ZFHX3: variants seen among roughly 807,000 people sequenced by gnomAD.
The protein encoded by ZFHX3 is zinc finger homeobox protein 3.
ZFHX3 carries 42 observed loss-of-function variants against 279.1 expected under a neutral mutation model. The observed-to-expected ratio is 0.15, with a 90% CI of 0.12 to 0.19. The LOEUF is 0.19. ZFHX3 is among the 10% of genes least tolerant of loss of function. The pLI is 1.00. For synonymous variants in ZFHX3, 2,293 were observed against 1,957.8 expected (o/e 1.17, Z -4.52); for missense variants, 4,981 against 4,754.0 (o/e 1.05, Z -1.40).
chr16:73,102,475 T>C (rs1377021670), intron 7 of ZFHX3, among the ~76,000 whole-genome samples: 1 of 152,224 alleles, frequency 6.6e-6, no homozygotes, highest in African/African-American at 2.4e-5. Flanking sequence ...TATATGGTGC[T>C]TTGAAAAATA....
rs527804822 is a variant in ZFHX3 at position 73,217,913 on chromosome 16, C to T, written c.-1104+39134G>A. Among the ~76,000 whole-genome samples the T allele has an allele frequency of 2.0e-5, 3 of 152,146 alleles. No homozygotes were observed. In the South Asian group the frequency reaches 6.2e-4, roughly 32 times the overall value. On this transcript the variant is annotated intron_variant, in intron 5 of 17. Coordinates refer to the ZFHX3 transcript ENST00000641206. ...AAAAAAAAAAATTAAACTCTTTTAACCTGCAGACACCAGGATTGAAAAAAG... is the reference window on the plus strand; with the variant it reads ...AAAAAAAAAAATTAAACTCTTTTAATCTGCAGACACCAGGATTGAAAAAAG...
At chr16:72,969,720 T>A (rs946414592) in intron 1 of ZFHX3, among the ~76,000 whole-genome samples, 2 of 152,224 alleles carry the variant, frequency 1.3e-5, no homozygotes, top group African/African-American at 4.8e-5. Context: ...AATACCTGCA[T>A]CTGTTTAGCT....
At chr16:73,732,772 C>T (rs572161332) in intron 1 of ZFHX3, among the ~76,000 whole-genome samples, 3 of 152,304 alleles carry the variant, frequency 2.0e-5, no homozygotes, top group African/African-American at 4.8e-5. Context: ...GGGGCACTCA[C>T]TGATAAAATA....
chr16:73,528,094 T>C (rs1478871843), intron 2 of ZFHX3, among the ~76,000 whole-genome samples: 2 of 152,232 alleles, frequency 1.3e-5, no homozygotes, highest in Non-Finnish European at 2.9e-5. Context: ...AGTATCCTTT[T>C]CTCTAAAATG....
At chr16:73,176,595 T>C (rs1967670237) in intron 5 of ZFHX3, among the ~76,000 whole-genome samples, 1 of 149,590 alleles carries the variant, frequency 6.7e-6, no homozygotes, top group African/African-American at 2.5e-5. Context: ...ATTGATAGCC[T>C]TCTTCTTCTT....
At chr16:73,201,839 A>G (rs1358471832) in intron 5 of ZFHX3, among the ~76,000 whole-genome samples, 2 of 152,254 alleles carry the variant, frequency 1.3e-5, no homozygotes, top group Non-Finnish European at 2.9e-5. Context: ...AAAGAGCTAG[A>G]AGCACAGTAG....
intron 2 of ZFHX3, among the ~76,000 whole-genome samples, chr16:73,527,285 T>C (rs2019712504): frequency 6.6e-6 from 1 of 152,182 alleles, no homozygotes; most frequent in African/African-American, 2.4e-5. Flanking sequence ...TTGACAGAAC[T>C]TCCCAGCAAG....
At chr16:72,891,797 A>T (rs953935136) in intron 3 of ZFHX3, among the ~76,000 whole-genome samples, 1 of 152,134 alleles carries the variant, frequency 6.6e-6, no homozygotes, top group African/African-American at 2.4e-5. Flanking sequence ...CCCAACCCCC[A>T]GCCCAGTCAG....
At chr16:72,913,362 C>T (rs575404921) in intron 3 of ZFHX3, among the ~76,000 whole-genome samples, 1 of 152,360 alleles carries the variant, frequency 6.6e-6, no homozygotes, top group Admixed American at 6.5e-5. Flanking sequence ...ATCTGTCTTT[C>T]CTTGTCCTGA....
At chr16:73,082,938 C>T (rs1207821966) in intron 8 of ZFHX3, among the ~76,000 whole-genome samples, 1 of 150,678 alleles carries the variant, frequency 6.6e-6, no homozygotes, top group African/African-American at 2.5e-5. Context: ...AATCTTAGCA[C>T]TTTGGGAGGC....
At chr16:73,572,668 A>T (rs1290572902) in intron 2 of ZFHX3, among the ~76,000 whole-genome samples, 4 of 152,206 alleles carry the variant, frequency 2.6e-5, no homozygotes, top group Non-Finnish European at 5.9e-5. Context: ...ATACCAAACC[A>T]GAAGCTCGCA....
chr16:72,973,285 A>G (rs1202250301), intron 1 of ZFHX3: 1 of 152,198 alleles, frequency 6.6e-6, no homozygotes, highest in African/African-American at 2.4e-5. Flanking sequence ...GGCTTTCCCA[A>G]TATCATGTTC....
intron 2 of ZFHX3, among the ~76,000 whole-genome samples, chr16:73,581,553 G>A (rs1215322928): frequency 5.3e-5 from 8 of 149,644 alleles, no homozygotes; most frequent in Non-Finnish European, 1.2e-4. Flanking sequence ...GTGATTTTTT[G>A]AAGTGTTATA....
At chr16:73,137,381 A>G (rs1026181028) in intron 6 of ZFHX3, 1 of 152,142 alleles carries the variant, frequency 6.6e-6, no homozygotes, top group African/African-American at 2.4e-5. Flanking sequence ...TACACACTTC[A>G]GTTCCTGAAC....
chr16:73,418,229 C>G (rs2017635217), intron 3 of ZFHX3, among the ~76,000 whole-genome samples: 1 of 152,166 alleles, frequency 6.6e-6, no homozygotes, highest in African/African-American at 2.4e-5. Flanking sequence ...AGAATAAGCC[C>G]CAGGGCGTGG....
intron 1 of ZFHX3, among the ~76,000 whole-genome samples, chr16:73,860,714 G>T (rs1961858632): frequency 6.6e-6 from 1 of 152,130 alleles, no homozygotes; most frequent in Admixed American, 6.5e-5. Context: ...GTCTCCTAAA[G>T]ACGCTAGCAC....
chr16:72,846,474 C>T (rs1004642002), intron 4 of ZFHX3, among the ~76,000 whole-genome samples: 1 of 152,064 alleles, frequency 6.6e-6, no homozygotes, highest in Non-Finnish European at 1.5e-5. Flanking sequence ...CTGCAGGCCA[C>T]GGGCACTGTG....
intron 3 of ZFHX3, among the ~76,000 whole-genome samples, chr16:72,902,328 C>A (rs1172666146): frequency 2.0e-5 from 3 of 152,194 alleles, no homozygotes; most frequent in Non-Finnish European, 2.9e-5. Flanking sequence ...AAGTAAGACT[C>A]TTCCAAACAC....
At chr16:73,264,956 A>ATG (rs1597251293) in intron 4 of ZFHX3, among the ~76,000 whole-genome samples, 1 of 151,200 alleles carries the variant, frequency 6.6e-6, no homozygotes, top group Admixed American at 6.6e-5. Flanking sequence ...ATATATATAT[A>ATG]TGTGTGTATA....
Sources: allele counts gnomAD v4.1 joint callset (sites outside exome capture counted in the v4.1 genomes callset), GRCh38; gene constraint gnomAD v4.1.1; transcripts MANE v1.5; gene names NCBI Gene and HGNC (gene_info 2026-07-23, HGNC 2026-07-21).